Variants in GALNT17 observed in about 807,000 individuals in gnomAD.
GALNT17 encodes UDP-GalNAc:polypeptide N-acetylgalactosaminyltransferase-like 3.
In GALNT17, 29 loss-of-function variants were observed where a neutral mutation model predicts 63.7. The ratio of observed to expected loss-of-function variants is 0.46; its 90% CI spans 0.34 to 0.62. The LOEUF is 0.62. GALNT17 is among the 20% of genes least tolerant of loss of function. The pLI is 0.01. For missense variants in GALNT17, 603 were observed against 799.6 expected (o/e 0.75, Z 2.97); for synonymous variants, 305 against 318.3 (o/e 0.96, Z 0.45).
intron 1 of GALNT17, among the ~76,000 whole-genome samples, chr7:71,292,300 G>C (rs1453004735): frequency 6.6e-6 from 1 of 152,186 alleles, no homozygotes; most frequent in Non-Finnish European, 1.5e-5. Context: ...TTGCTGGACA[G>C]ACATCAGGCA....
intron 5 of GALNT17, among the ~76,000 whole-genome samples, chr7:71,427,174 GGTT>G (rs1170422740): frequency 6.6e-6 from 1 of 150,724 alleles, no homozygotes; most frequent in Non-Finnish European, 1.5e-5. Flanking sequence ...CCACCTCCCA[GGTT>G]GAAGCGATTC....
chr7:71,242,864 C>T (rs1490058674), intron 1 of GALNT17, among the ~76,000 whole-genome samples: 2 of 152,174 alleles, frequency 1.3e-5, no homozygotes, highest in Non-Finnish European at 2.9e-5. Context: ...CATTACTGGG[C>T]CTACTATAGA....
At chr7:71,160,552 G>A (rs984684481) in intron 1 of GALNT17, among the ~76,000 whole-genome samples, 13 of 152,086 alleles carry the variant, frequency 8.5e-5, no homozygotes, top group African/African-American at 2.9e-4. Context: ...TCTGCCTCCT[G>A]GGTTCAAGAG....
intron 1 of GALNT17, among the ~76,000 whole-genome samples, chr7:71,142,947 A>C (rs533201279): frequency 6.6e-6 from 1 of 152,076 alleles, no homozygotes; most frequent in Non-Finnish European, 1.5e-5. Context: ...GTCTCAAAAA[A>C]AAAAAAAAAA....
chr7:71,453,138 A>G (rs114232688), intron 5 of GALNT17, among the ~76,000 whole-genome samples: 1 of 151,002 alleles, frequency 6.6e-6, no homozygotes, highest in South Asian at 2.1e-4. Flanking sequence ...GTAAATAAAC[A>G]TTTTTTTTTG....
chr7:71,306,480 T>A (rs1441042049), intron 1 of GALNT17, among the ~76,000 whole-genome samples: 2 of 152,122 alleles, frequency 1.3e-5, no homozygotes, highest in Non-Finnish European at 2.9e-5. Flanking sequence ...AGTGAAATCA[T>A]ACAGTAATTG....
At chr7:71,386,097 A>G (rs970375336) in intron 2 of GALNT17, among the ~76,000 whole-genome samples, 1 of 152,198 alleles carries the variant, frequency 6.6e-6, no homozygotes, top group Admixed American at 6.5e-5. Context: ...GAGCCCGTCA[A>G]TAATCACTGT....
At chr7:71,674,601 A>G (rs1247563632) in intron 8 of GALNT17, among the ~76,000 whole-genome samples, 1 of 151,882 alleles carries the variant, frequency 6.6e-6, no homozygotes, top group Non-Finnish European at 1.5e-5. Flanking sequence ...CTGTAGCCTT[A>G]AACTCCTAGA....
intron 1 of GALNT17, among the ~76,000 whole-genome samples, chr7:71,197,972 C>T (rs1207213836): frequency 6.6e-6 from 1 of 151,794 alleles, no homozygotes; most frequent in Non-Finnish European, 1.5e-5. Context: ...CCGAGGTGGG[C>T]GGATCACCAG....
intron 6 of GALNT17, among the ~76,000 whole-genome samples, chr7:71,610,909 T>A (rs1353579918): frequency 2.0e-5 from 3 of 150,910 alleles, no homozygotes; most frequent in African/African-American, 7.3e-5. Flanking sequence ...TCCCTTGAAT[T>A]TGGAAGGCGG....
Position 71,335,653 on chromosome 7 carries a change from C to T in GALNT17, c.342C>T (p.Pro114=). Reference sequence around the variant, plus strand: ...CTGAAGAAGAAAAGGCTAAGGGACCCCATGAGAAGTATGGCTACAATTCAT... The same window carrying T: ...CTGAAGAAGAAAAGGCTAAGGGACCTCATGAGAAGTATGGCTACAATTCAT... The part of the protein sequence containing the change: ...SPAEEEKAKG[P]HEKYGYNSYL... The change falls in exon 2 of 11, where the codon CCC becomes CCT. Residue 114 remains proline (P), a synonymous_variant. Coordinates refer to ENST00000333538, the MANE Select transcript of GALNT17 (RefSeq NM_022479.3). 1.9e-6 allele frequency: 3 copies of T among 1,613,590 alleles called. No homozygotes were observed. The highest frequency in any genetic ancestry group is 2.5e-6 in the Non-Finnish European group (3 of 1,179,734).
intron 6 of GALNT17, among the ~76,000 whole-genome samples, chr7:71,625,907 C>A (rs746686859): frequency 6.6e-6 from 1 of 152,036 alleles, no homozygotes; most frequent in African/African-American, 2.4e-5. Context: ...AAAATAAGGT[C>A]ATTGGGGTGG....
At chr7:71,294,420 T>C (rs1791040260) in intron 1 of GALNT17, among the ~76,000 whole-genome samples, 1 of 139,286 alleles carries the variant, frequency 7.2e-6, no homozygotes, top group Non-Finnish European at 1.5e-5. Context: ...TTTTTTTTTT[T>C]TTTTTTTTTT....
chr7:71,256,581 A>G (rs1454872864), intron 1 of GALNT17, among the ~76,000 whole-genome samples: 1 of 109,110 alleles, frequency 9.2e-6, no homozygotes, highest in Non-Finnish European at 2.0e-5. Flanking sequence ...CAAAAAAATA[A>G]AAACCAAAAA....
In GALNT17 at chr7:71,466,283, G is replaced by A. The variant is rs576789611; in HGVS notation, c.962+45178G>A. On this transcript the variant is annotated intron_variant, in intron 5 of 10. Transcript: ENST00000333538. ...AGTTCAGACCATGACTGGAAGTTGA[G>A]GGGTCAGATATGCCTCATTGTACCC... 2.8e-4 allele frequency among the ~76,000 whole-genome samples: 43 copies of A among 152,302 alleles called. No homozygotes were observed. The South Asian group carries it at 5.4e-3, about 19-fold the overall frequency.
At chr7:71,326,180 G>T (rs957466282) in intron 1 of GALNT17, among the ~76,000 whole-genome samples, 2 of 152,178 alleles carry the variant, frequency 1.3e-5, no homozygotes, top group Non-Finnish European at 2.9e-5. Context: ...GGCAGTGGAT[G>T]GGTACAGTGG....
chr7:71,568,749 GC>G (rs1789389683), intron 5 of GALNT17, among the ~76,000 whole-genome samples: 1 of 152,074 alleles, frequency 6.6e-6, no homozygotes, highest in South Asian at 2.1e-4. Context: ...GGAAACAGAG[GC>G]AAAAAGATAT....
intron 1 of GALNT17, among the ~76,000 whole-genome samples, chr7:71,304,016 TA>T (rs995621880): frequency 6.6e-6 from 1 of 152,178 alleles, no homozygotes; most frequent in Non-Finnish European, 1.5e-5. Context: ...TTGAGCCAAT[TA>T]AAATACTAAA....
intron 5 of GALNT17, among the ~76,000 whole-genome samples, chr7:71,459,184 A>C (rs951044328): frequency 1.3e-5 from 2 of 152,218 alleles, no homozygotes; most frequent in Non-Finnish European, 2.9e-5. Flanking sequence ...CTACAGAAGA[A>C]GAATAGGTTC....
Sources: allele counts gnomAD v4.1 joint callset (sites outside exome capture counted in the v4.1 genomes callset), GRCh38; gene constraint gnomAD v4.1.1; transcripts MANE v1.5; gene names NCBI Gene and HGNC (gene_info 2026-07-23, HGNC 2026-07-21).